FGF14: variants seen among roughly 807,000 people sequenced by gnomAD.
FGF14 encodes fibroblast growth factor 14.
In FGF14, 5 loss-of-function variants were observed where a neutral mutation model predicts 25.5. The observed-to-expected ratio is 0.20, with a 90% CI of 0.10 to 0.41. The LOEUF (loss-of-function observed/expected upper bound fraction) is 0.41. Ranked by LOEUF, FGF14 falls within the 10% of genes least tolerant of loss-of-function variation. FGF14 has a pLI of 1.00. For missense variants in FGF14, 222 were observed against 320.1 expected (o/e 0.69, Z 2.34); for synonymous variants, 138 against 118.3 (o/e 1.17, Z -1.08).
intron 1 of FGF14, among the ~76,000 whole-genome samples, chr13:101,994,423 T>A (rs1263349477): frequency 1.3e-5 from 2 of 152,066 alleles, no homozygotes; most frequent in Non-Finnish European, 2.9e-5. Flanking sequence ...ATCTCAAGGC[T>A]TATGGGAGGA....
chr13:102,099,077 A>C (rs527653366), intron 1 of FGF14, among the ~76,000 whole-genome samples: 43 of 152,282 alleles, frequency 2.8e-4, no homozygotes, highest in African/African-American at 1.0e-3. Flanking sequence ...GCCACCTCAC[A>C]GCTTTGCCAA....
intron 1 of FGF14, among the ~76,000 whole-genome samples, chr13:101,974,078 A>G (rs993821610): frequency 6.6e-6 from 1 of 152,332 alleles, no homozygotes; most frequent in Admixed American, 6.5e-5. Context: ...TATGCATCCT[A>G]TTTGTTCATT....
chr13:102,067,749 G>T (rs956832240), intron 1 of FGF14, among the ~76,000 whole-genome samples: 1 of 151,510 alleles, frequency 6.6e-6, no homozygotes, highest in Non-Finnish European at 1.5e-5. Context: ...TATTTAAAAG[G>T]ATAGTTACAG....
At chr13:101,983,040 A>G (rs1189444998) in intron 1 of FGF14, among the ~76,000 whole-genome samples, 1 of 152,240 alleles carries the variant, frequency 6.6e-6, no homozygotes, top group African/African-American at 2.4e-5. Context: ...ACAAAAGCAT[A>G]TCAATTGAGT....
At chr13:102,127,014 T>C (rs1594062221) in intron 1 of FGF14, among the ~76,000 whole-genome samples, 1 of 152,150 alleles carries the variant, frequency 6.6e-6, no homozygotes, top group Non-Finnish European at 1.5e-5. Context: ...AACTGCAGGG[T>C]CACTAGAACT....
chr13:101,924,724 A>G (rs2034248908), intron 1 of FGF14, among the ~76,000 whole-genome samples: 3 of 152,236 alleles, frequency 2.0e-5, no homozygotes, highest in Non-Finnish European at 4.4e-5. Flanking sequence ...TATTTTACAG[A>G]AGAGGCAATT....
chr13:101,901,475 G>T (rs543623709), intron 1 of FGF14, among the ~76,000 whole-genome samples: 17 of 152,258 alleles, frequency 1.1e-4, no homozygotes, highest in South Asian at 1.0e-3. Flanking sequence ...AGGCCGGGGC[G>T]GGTGGGTCAC....
intron 1 of FGF14, among the ~76,000 whole-genome samples, chr13:102,149,204 TTTTA>T (rs1331592766): frequency 6.6e-6 from 1 of 151,838 alleles, no homozygotes; most frequent in Non-Finnish European, 1.5e-5. Context: ...TATAATTGCT[TTTTA>T]TATTTATTAA....
At chr13:102,384,394 A>G (rs1036648930) in intron 1 of FGF14, among the ~76,000 whole-genome samples, 1 of 152,130 alleles carries the variant, frequency 6.6e-6, no homozygotes, top group Admixed American at 6.5e-5. Context: ...AGGCAAATCA[A>G]CTCAAATTCC....
intron 1 of FGF14, among the ~76,000 whole-genome samples, chr13:102,030,046 A>G (rs533931234): frequency 5.3e-5 from 8 of 152,222 alleles, no homozygotes; most frequent in South Asian, 2.1e-4. Context: ...GAAAAGTATT[A>G]TGTGTCAAGT....
intron 1 of FGF14, among the ~76,000 whole-genome samples, chr13:102,099,364 T>C (rs1322885926): frequency 6.6e-6 from 1 of 152,228 alleles, no homozygotes; most frequent in Non-Finnish European, 1.5e-5. Flanking sequence ...CTAAGCACTG[T>C]TCTTTAAACG....
At chr13:102,347,754 A>C (rs972602039) in intron 1 of FGF14, among the ~76,000 whole-genome samples, 1 of 152,160 alleles carries the variant, frequency 6.6e-6, no homozygotes, top group African/African-American at 2.4e-5. Flanking sequence ...GCCTCGGAAC[A>C]CTAGGTGATG....
chr13:102,225,261 C>A (rs74465868), intron 1 of FGF14, among the ~76,000 whole-genome samples: 1 of 152,028 alleles, frequency 6.6e-6, no homozygotes, highest in Non-Finnish European at 1.5e-5. Flanking sequence ...CCTTGAACCC[C>A]AAAAAAATCT....
intron 1 of FGF14, among the ~76,000 whole-genome samples, chr13:102,089,716 T>C (rs546514495): frequency 7.2e-5 from 11 of 152,332 alleles, no homozygotes; most frequent in African/African-American, 2.6e-4. Flanking sequence ...CACAATTCTG[T>C]TTCATCAAAA....
At chr13:101,984,509 A>C (rs2038452512) in intron 1 of FGF14, among the ~76,000 whole-genome samples, 1 of 152,216 alleles carries the variant, frequency 6.6e-6, no homozygotes, top group South Asian at 2.1e-4. Context: ...TAAGTGAATA[A>C]AATATATTTT....
At chr13:101,940,840 C>T (rs1271746510) in intron 1 of FGF14, among the ~76,000 whole-genome samples, 2 of 152,088 alleles carry the variant, frequency 1.3e-5, no homozygotes, top group Non-Finnish European at 2.9e-5. Flanking sequence ...TAAAATTCAA[C>T]AAATATTGAA....
At chr13:102,193,792 G>A (rs1013020358) in intron 1 of FGF14, among the ~76,000 whole-genome samples, 2 of 152,160 alleles carry the variant, frequency 1.3e-5, no homozygotes, top group African/African-American at 4.8e-5. Flanking sequence ...CTGGTTTCCA[G>A]AGTTGCTACA....
chr13:101,785,602 CCTAT>C (rs1454611743), intron 3 of FGF14, among the ~76,000 whole-genome samples: 28 of 152,110 alleles, frequency 1.8e-4, no homozygotes, highest in South Asian at 4.2e-4. Flanking sequence ...CTGTCTATCA[CCTAT>C]CTATCTATTT....
intron 1 of FGF14, among the ~76,000 whole-genome samples, chr13:102,129,921 G>A (rs1413523205): frequency 6.6e-6 from 1 of 151,930 alleles, no homozygotes; most frequent in East Asian, 1.9e-4. Flanking sequence ...GCTTTCCTTG[G>A]GCCAAAATCA....
Sources: allele counts gnomAD v4.1 joint callset (sites outside exome capture counted in the v4.1 genomes callset), GRCh38; gene constraint gnomAD v4.1.1; transcripts MANE v1.5; gene names NCBI Gene and HGNC (gene_info 2026-07-23, HGNC 2026-07-21).